The following ZDHHC20 variants were observed in gnomAD, a reference collection of about 807,000 sequenced individuals.
ZDHHC20 encodes the protein zDHHC palmitoyltransferase 20, also known as palmitoyltransferase ZDHHC20.
In ZDHHC20, 43 loss-of-function variants were observed where a neutral mutation model predicts 57.8. The observed-to-expected ratio is 0.74, with a 90% CI of 0.58 to 0.96. The LOEUF is 0.96. Ranked by LOEUF, ZDHHC20 falls within the 40% of genes least tolerant of loss-of-function variation. The pLI is 0.00. For synonymous variants in ZDHHC20, 157 were observed against 153.0 expected (o/e 1.03, Z -0.19); for missense variants, 391 against 441.1 (o/e 0.89, Z 1.02).
At chr13:21,442,354 T>C (rs1047578899) in intron 1 of ZDHHC20, among the ~76,000 whole-genome samples, 12 of 152,316 alleles carry the variant, frequency 7.9e-5, no homozygotes, top group Non-Finnish European at 1.3e-4. Context: ...CATCTTGTAG[T>C]TTAGTCTTCG....
At position 21,391,728 on chromosome 13, in the gene ZDHHC20, T is replaced by C; in HGVS notation, c.721A>G (p.Thr241Ala). The change falls in exon 8 of 13, where the codon ACA becomes GCA. Residue 241 changes from threonine (T) to alanine (A), a missense_variant. Physicochemically the swap from Thr to Ala is moderately conservative, Grantham distance 58 (BLOSUM62 0). Around this residue, in one of 3 missense-constraint regions of ZDHHC20, gnomAD observed 197 missense variants for 220.8 expected, o/e 0.89. Coordinates refer to ENST00000400590, the MANE Select transcript of ZDHHC20 (RefSeq NM_001330059.2). ...HCWLVGKNRT[T>A]IESFRAPTFS... Reference sequence around the variant, plus strand: ...TTTATTTTAACCTACTTACCTATTGTTGTTCTATTTTTTCCAACTAGCCAG... The same window carrying C: ...TTTATTTTAACCTACTTACCTATTGCTGTTCTATTTTTTCCAACTAGCCAG... 2 of 1,608,168 alleles carry C rather than the reference T, an allele frequency of 1.2e-6. No homozygotes were observed. Among genetic ancestry groups the C allele is most frequent in the Non-Finnish European group, 1.7e-6 (2 of 1,178,946 alleles).
intron 12 of ZDHHC20, 99 bp from the exon 13 acceptor site, chr13:21,376,754 A>G: frequency 4.4e-6 from 3 of 679,968 alleles, no homozygotes; most frequent in African/African-American, 1.9e-5. Flanking sequence ...AGCTACTAAT[A>G]TAACAAGATG....
At chr13:21,404,517 C>T in intron 4 of ZDHHC20, among the ~76,000 whole-genome samples, 1 of 152,164 alleles carries the variant, frequency 6.6e-6, no homozygotes, top group East Asian at 1.9e-4. Context: ...GTCTGGGAGG[C>T]TGAGGCGGGT....
chr13:21,386,549 A>ATT (rs1391882171), intron 9 of ZDHHC20, among the ~76,000 whole-genome samples: 1 of 152,146 alleles, frequency 6.6e-6, no homozygotes, highest in African/African-American at 2.4e-5. Context: ...AACATCTAAA[A>ATT]TTTTTTGTTT....
At chr13:21,438,896 C>T (rs571063324) in intron 1 of ZDHHC20, among the ~76,000 whole-genome samples, 5 of 152,334 alleles carry the variant, frequency 3.3e-5, no homozygotes, top group Admixed American at 3.3e-4. Context: ...CGAGGCAAGA[C>T]CTTTCACCAG....
intron 4 of ZDHHC20, among the ~76,000 whole-genome samples, chr13:21,412,781 C>T (rs1342336705): frequency 6.6e-6 from 1 of 151,882 alleles, no homozygotes; most frequent in Non-Finnish European, 1.5e-5. Flanking sequence ...CCAGCCTGGC[C>T]AACATAGTGA....
rs138450845 is a variant in ZDHHC20, at chr13:21,439,364, G to A, written c.119-13686C>T. Among the ~76,000 whole-genome samples, 713 of 152,206 alleles carry A rather than the reference G, an allele frequency of 4.7e-3. 16 individuals carry two copies. The highest frequency in any genetic ancestry group is 0.039 in the Admixed American group (594 of 15,284). On this transcript the variant is annotated intron_variant, in intron 1 of 12. Coordinates refer to ENST00000400590, the MANE Select transcript of ZDHHC20 (RefSeq NM_001330059.2). ...AAATTTCAAATATTAGCCAGGCATG[G>A]TGGCATATGCCTGTGGTCTCAGCTA...
Position 21,391,765 on chromosome 13 carries a change from GA to G in ZDHHC20, c.683del (p.Phe228SerfsTer7). 5.0e-6 allele frequency: 8 copies of G among 1,612,538 alleles called. No individual in the cohort carries two copies. The highest frequency in any genetic ancestry group is 1.1e-5 in the South Asian group (1 of 90,678). ...AMFFISVLSL[F>X]SYHCWLVGKN... ...TTCCAACTAGCCAGCAGTGGTAGCT[GA>G]AAAGTGAGAGGACGCTGATGAAGAA... is the stretch of plus-strand genomic sequence containing the variant. On this transcript the variant is annotated frameshift_variant, in exon 8 of 13. Coordinates refer to ENST00000400590, the MANE Select transcript of ZDHHC20 (RefSeq NM_001330059.2). LOFTEE classifies it high-confidence loss of function.
intron 6 of ZDHHC20, 110 bp from the exon 7 acceptor site, chr13:21,400,603 G>A (rs1877490631): frequency 1.9e-6 from 2 of 1,054,450 alleles, no homozygotes; most frequent in Non-Finnish European, 1.4e-6. Flanking sequence ...GGGAAGGGGA[G>A]CTTTTTAATG....
chr13:21,383,203 G>C (rs1298838575), intron 9 of ZDHHC20, among the ~76,000 whole-genome samples, 194 bp from the exon 10 acceptor site: 1 of 152,128 alleles, frequency 6.6e-6, no homozygotes, highest in Admixed American at 6.5e-5. Context: ...ATCTCATCTT[G>C]AATTGTAGTT....
At chr13:21,433,413 C>T (rs1174592716) in intron 1 of ZDHHC20, among the ~76,000 whole-genome samples, 5 of 152,090 alleles carry the variant, frequency 3.3e-5, no homozygotes, top group African/African-American at 1.2e-4. Flanking sequence ...GTCAGGAGAT[C>T]GAGACCATCC....
At chr13:21,382,471 G>A (rs1385992919) in intron 10 of ZDHHC20, among the ~76,000 whole-genome samples, 1 of 151,968 alleles carries the variant, frequency 6.6e-6, no homozygotes, top group Non-Finnish European at 1.5e-5. Context: ...CCTCTAAGAT[G>A]AATTAATGAA....
rs1409147359 is a variant in ZDHHC20, at chr13:21,375,423, C to T, written c.*1273G>A. On this transcript the variant is annotated 3_prime_UTR_variant, in exon 13 of 13. Transcript: ENST00000400590. ...ACATTTCTACATTGTTTATTCTGTA[C>T]TTTTCCTTGGAGTTAATGCAACACC... 4 of 279,202 alleles carry T rather than the reference C, an allele frequency of 1.4e-5. No homozygotes were observed. The highest frequency in any genetic ancestry group is 3.1e-5 in the South Asian group (1 of 32,492). 17.3% of individuals were successfully genotyped at this position (279,202 alleles called of 1,614,324 possible). A position where few individuals can be genotyped will look rare whatever the true frequency, so the allele number is the denominator to read the frequency against.
chr13:21,396,035 A>G (rs1336402582), intron 7 of ZDHHC20, among the ~76,000 whole-genome samples: 1 of 152,304 alleles, frequency 6.6e-6, no homozygotes, highest in South Asian at 2.1e-4. Flanking sequence ...TCCCAGGACC[A>G]GGTACAAGAC....
Position 21,440,648 on chromosome 13 carries a change from G to GTA in ZDHHC20, c.119-14972_119-14971dup, listed in dbSNP as rs1359347866. On this transcript the variant is annotated intron_variant, in intron 1 of 12. Coordinates refer to ENST00000400590, the MANE Select transcript of ZDHHC20 (RefSeq NM_001330059.2). ...ACAAAAAGTGTGTGTGTGTGTGTGT[G>GTA]TATATATATATATGACAAAAGAAAG... Among the ~76,000 whole-genome samples the GTA allele has an allele frequency of 4.2e-4, 45 of 106,934 alleles. 1 individual carries two copies. Among genetic ancestry groups the GTA allele is most frequent in the South Asian group, 1.5e-3 (6 of 4,004 alleles). The allele number at this position is 106,934 out of a possible 152,430, so 70.2% of individuals were successfully genotyped here. A position where few individuals can be genotyped will look rare whatever the true frequency, so the allele number is the denominator to read the frequency against.
chr13:21,390,569 C>T (rs574969589), intron 8 of ZDHHC20, among the ~76,000 whole-genome samples: 4 of 152,100 alleles, frequency 2.6e-5, no homozygotes, highest in Admixed American at 1.3e-4. Flanking sequence ...GGAACATATG[C>T]CAGTTAAATG....
intron 3 of ZDHHC20, 98 bp from the exon 4 acceptor site, chr13:21,413,870 T>C: frequency 9.7e-7 from 1 of 1,036,132 alleles, no homozygotes; most frequent in Non-Finnish European, 1.4e-6. Flanking sequence ...AACCAAAAAC[T>C]ATTTTATGAA....
In ZDHHC20 at chr13:21,436,952, C is replaced by T. The variant is rs139994427; in HGVS notation, c.119-11274G>A. On this transcript the variant is annotated intron_variant, in intron 1 of 12. Coordinates refer to ENST00000400590, the MANE Select transcript of ZDHHC20 (RefSeq NM_001330059.2). ...CACTAACTTTGGCCCACGTTGTGTA[C>T]GTGTACCCTAGAACTTAAAGTATAA... Among the ~76,000 whole-genome samples the T allele has an allele frequency of 2.6e-3, 390 of 152,134 alleles. 1 individual carries two copies. Among genetic ancestry groups the T allele is most frequent in the African/African-American group, 8.7e-3 (360 of 41,496 alleles).
intron 1 of ZDHHC20, among the ~76,000 whole-genome samples, chr13:21,457,146 G>A (rs1375638818): frequency 1.3e-5 from 2 of 152,168 alleles, no homozygotes; most frequent in East Asian, 3.8e-4. Flanking sequence ...ATTTGAAGTG[G>A]TGAAAGAAAT....
Sources: gnomAD v4.1 joint callset for allele counts (sites outside exome capture counted in the v4.1 genomes callset) on GRCh38, gnomAD v4.1.1 for gene constraint, gnomAD v4.1.1 regional missense constraint, MANE v1.5 for transcripts, NCBI Gene and HGNC (gene_info 2026-07-23, HGNC 2026-07-21) for gene names.